TG: variants seen among roughly 807,000 people sequenced by gnomAD.
The protein encoded by TG is thyroid hormones.
In TG, 270 loss-of-function variants were observed where a neutral mutation model predicts 324.7. The observed-to-expected ratio is 0.83, with a 90% CI of 0.75 to 0.92. The LOEUF is 0.92. TG is among the 40% of genes least tolerant of loss of function. TG has a pLI of 0.00. For missense variants in TG, 3,591 were observed against 3,456.4 expected (o/e 1.04, Z -0.98); for synonymous variants, 1,401 against 1,327.0 (o/e 1.06, Z -1.21).
At chr8:132,927,923 G>T (rs1302073398) in intron 22 of TG, among the ~76,000 whole-genome samples, 2 of 152,156 alleles carry the variant, frequency 1.3e-5, no homozygotes, top group African/African-American at 4.8e-5. Context: ...GAGAAGAAGG[G>T]CTTTGTGTGG....
At chr8:133,071,592 G>A (rs1844042374) in intron 41 of TG, among the ~76,000 whole-genome samples, 1 of 152,114 alleles carries the variant, frequency 6.6e-6, no homozygotes, top group Non-Finnish European at 1.5e-5. Flanking sequence ...TTCAGAGGAT[G>A]CCTATTTTGA....
chr8:133,087,880 G>A (rs1846847569), intron 41 of TG: 1 of 152,154 alleles, frequency 6.6e-6, no homozygotes, highest in South Asian at 2.1e-4. Flanking sequence ...TGAAAACCTG[G>A]GGCCAGAAAA....
chr8:132,937,178 G>A (rs1382826555), intron 25 of TG, among the ~76,000 whole-genome samples: 2 of 152,140 alleles, frequency 1.3e-5, no homozygotes, highest in South Asian at 2.1e-4. Flanking sequence ...AAGGGGGCTC[G>A]ACCTGGGACT....
chr8:132,921,341 G>C (rs1284613710), intron 21 of TG, among the ~76,000 whole-genome samples: 2 of 152,200 alleles, frequency 1.3e-5, no homozygotes, highest in East Asian at 1.9e-4. Context: ...TGCAGTAGTA[G>C]AGAGCTGTAT....
intron 4 of TG, among the ~76,000 whole-genome samples, chr8:132,872,160 T>A (rs1839536854): frequency 6.6e-6 from 1 of 152,056 alleles, no homozygotes; most frequent in Non-Finnish European, 1.5e-5. Flanking sequence ...GAGTCAAAAG[T>A]TTTAAAAAAT....
intron 10 of TG, among the ~76,000 whole-genome samples, chr8:132,891,778 T>C (rs1816272474): frequency 6.6e-6 from 1 of 152,236 alleles, no homozygotes; most frequent in Admixed American, 6.5e-5. Context: ...ATAAATTATT[T>C]GATAATATCC....
chr8:132,886,952 A>C lies in TG; in HGVS notation c.1580A>C (p.Asp527Ala), dbSNP rs1484640950. The part of the protein sequence containing the change: ...DLAKPLSVGL[D>A]SNSSTGTPEA... ...GCCAAGCCACTCTCTGTGGGATTAG[A>C]TTCAAATTCTTCCACAGGAACCCCT... is the stretch of plus-strand genomic sequence containing the variant. Residue 527 changes from aspartate to alanine, a missense_variant, in exon 9 of 48, where the codon GAT becomes GCT. By Grantham distance (126) the Asp-to-Ala change is moderately radical (BLOSUM62 -2). Transcript: ENST00000220616. 1 of 1,614,190 alleles carries C rather than the reference A, an allele frequency of 6.2e-7. No homozygotes were observed. Among genetic ancestry groups the C allele is most frequent in the Admixed American group, 1.7e-5 (1 of 60,028 alleles).
intron 27 of TG, among the ~76,000 whole-genome samples, chr8:132,957,160 G>A (rs1441178898): frequency 1.3e-5 from 2 of 152,134 alleles, no homozygotes; most frequent in Admixed American, 6.5e-5. Context: ...TTTCCTTGTG[G>A]TGATTGACAA....
intron 41 of TG, among the ~76,000 whole-genome samples, chr8:133,031,724 G>A (rs1007309721): frequency 7.2e-5 from 11 of 151,984 alleles, no homozygotes; most frequent in African/African-American, 2.7e-4. Context: ...ACAGAAAGCC[G>A]TGTCACCTGC....
chr8:133,018,083 G>A, intron 38 of TG, 86 bp downstream of exon 38: 2 of 1,341,504 alleles, frequency 1.5e-6, no homozygotes, highest in South Asian at 2.5e-5. Context: ...CAGTAGCAGA[G>A]CAGTGCATTT....
At chr8:132,977,236 A>G (rs1830276979) in intron 34 of TG, among the ~76,000 whole-genome samples, 1 of 152,186 alleles carries the variant, frequency 6.6e-6, no homozygotes, top group Non-Finnish European at 1.5e-5. Flanking sequence ...GGACTAGGAA[A>G]GTCTGCCTAG....
chr8:132,917,807 A>G (rs1266477563), intron 20 of TG, among the ~76,000 whole-genome samples: 1 of 151,834 alleles, frequency 6.6e-6, no homozygotes, highest in Non-Finnish European at 1.5e-5. Flanking sequence ...CTGACCCTAA[A>G]GCTCTGTGAG....
intron 43 of TG, among the ~76,000 whole-genome samples, chr8:133,098,999 A>C (rs1263647737): frequency 1.3e-5 from 2 of 152,214 alleles, no homozygotes. Context: ...CTACTCAAGG[A>C]TGCATTTGCA....
At chr8:132,972,914 G>A (rs920480443) in intron 34 of TG, among the ~76,000 whole-genome samples, 173 bp downstream of exon 34, 3 of 152,202 alleles carry the variant, frequency 2.0e-5, no homozygotes, top group Admixed American at 2.0e-4. Context: ...TTGAAAGTTT[G>A]CTCATTGACT....
intron 41 of TG, among the ~76,000 whole-genome samples, chr8:133,073,926 A>C (rs890082049): frequency 6.6e-6 from 1 of 152,150 alleles, no homozygotes; most frequent in Non-Finnish European, 1.5e-5. Flanking sequence ...TGAGGATTGC[A>C]GAAAAATAAC....
chr8:132,996,349 G>A (rs1398990065), intron 35 of TG, among the ~76,000 whole-genome samples: 5 of 152,224 alleles, frequency 3.3e-5, no homozygotes, highest in African/African-American at 9.6e-5. Flanking sequence ...TGTAGTATGT[G>A]AATAATAATA....
intron 27 of TG, among the ~76,000 whole-genome samples, chr8:132,958,345 ATCTATCTATCTG>A (rs1827229464): frequency 8.2e-6 from 1 of 121,604 alleles, no homozygotes; most frequent in Non-Finnish European, 1.7e-5. Flanking sequence ...TGGCATATCT[ATCTATCTATCTG>A]TCTATCTATC....
intron 41 of TG, among the ~76,000 whole-genome samples, chr8:133,064,438 C>G (rs1360114563): frequency 6.6e-6 from 1 of 152,196 alleles, no homozygotes; most frequent in Non-Finnish European, 1.5e-5. Flanking sequence ...TACAAGCATT[C>G]CCAAGGGCAG....
intron 21 of TG, among the ~76,000 whole-genome samples, chr8:132,922,313 A>G (rs1008731644): frequency 6.6e-6 from 1 of 152,194 alleles, no homozygotes; most frequent in Non-Finnish European, 1.5e-5. Context: ...GTATTCATCC[A>G]TGGATTTGAC....
Sources: allele counts gnomAD v4.1 joint callset (sites outside exome capture counted in the v4.1 genomes callset), GRCh38; gene constraint gnomAD v4.1.1; transcripts MANE v1.5; gene names NCBI Gene and HGNC (gene_info 2026-07-23, HGNC 2026-07-21).